SPATS2: variants seen among roughly 807,000 people sequenced by gnomAD.
The protein encoded by SPATS2 is spermatogenesis associated serine rich 2.
In SPATS2, 38 loss-of-function variants were observed where a neutral mutation model predicts 63.7. That is an observed-to-expected ratio of 0.60 (90% confidence interval 0.46 to 0.78). The LOEUF (loss-of-function observed/expected upper bound fraction) is 0.78. Ranked by LOEUF, SPATS2 falls within the 30% of genes least tolerant of loss-of-function variation. The pLI, the probability that SPATS2 is intolerant of heterozygous loss-of-function variation, is 0.00. For missense variants in SPATS2, 588 were observed against 666.2 expected, an observed-to-expected ratio of 0.88 and a Z score of 1.29; for synonymous variants, 207 against 232.9, an observed-to-expected ratio of 0.89 and a Z score of 1.01.
intron 3 of SPATS2, among the ~76,000 whole-genome samples, chr12:49,470,569 C>T (rs188696627): frequency 6.6e-6 from 1 of 152,220 alleles, no homozygotes; most frequent in African/African-American, 2.4e-5. Flanking sequence ...AAAAATATAA[C>T]TTAGGAGCAG....
chr12:49,396,406 G>C (rs940004242), intron 2 of SPATS2, among the ~76,000 whole-genome samples: 1 of 152,062 alleles, frequency 6.6e-6, no homozygotes, highest in East Asian at 1.9e-4. Context: ...TGATTTCCTC[G>C]TGGGAGGTTT....
At chr12:49,503,311 T>C (rs1177704047) in intron 9 of SPATS2, among the ~76,000 whole-genome samples, 27 of 138,942 alleles carry the variant, frequency 1.9e-4, no homozygotes, top group Middle Eastern at 5.3e-3. Context: ...GATCGCGCCA[T>C]TGCACTCCAG....
intron 9 of SPATS2, among the ~76,000 whole-genome samples, chr12:49,508,335 G>C (rs1195987291): frequency 6.6e-6 from 1 of 152,080 alleles, no homozygotes; most frequent in Non-Finnish European, 1.5e-5. Context: ...ACCCTCCCGA[G>C]TAGCTGGGAT....
At chr12:49,491,608 C>T (rs988394211) in intron 6 of SPATS2, among the ~76,000 whole-genome samples, 1 of 152,174 alleles carries the variant, frequency 6.6e-6, no homozygotes, top group African/African-American at 2.4e-5. Context: ...GTAGAAAGCA[C>T]TCAGGCTATG....
At position 49,430,099 on chromosome 12, in the gene SPATS2, G is replaced by GTTTTT. The variant is rs536889902; in HGVS notation, c.-243-30656_-243-30652dup. ...CCCGGCCATCTTTTTCATATTTCTT[G>GTTTTT]TTTTTTTTTTTTTTTTTTTGAGACA... On this transcript the variant is annotated intron_variant, in intron 2 of 13. Transcript: ENST00000552918. Among the ~76,000 whole-genome samples the GTTTTT allele has an allele frequency of 1.7e-3, 171 of 98,428 alleles. 8 individuals carry two copies. The highest frequency in any genetic ancestry group is 8.0e-3 in the South Asian group (24 of 3,000). 64.6% of individuals were successfully genotyped at this position (98,428 alleles called of 152,430 possible).
chr12:49,401,497 C>G (rs1284905709), intron 2 of SPATS2, among the ~76,000 whole-genome samples: 1 of 151,950 alleles, frequency 6.6e-6, no homozygotes, highest in Admixed American at 6.6e-5. Context: ...TTATTTGTAC[C>G]CTCAACCATT....
intron 7 of SPATS2, among the ~76,000 whole-genome samples, chr12:49,495,228 G>C (rs1166277366): frequency 2.0e-5 from 3 of 151,982 alleles, no homozygotes; most frequent in Non-Finnish European, 4.4e-5. Flanking sequence ...GAATCTCGCT[G>C]TGTCGCCCAG....
chr12:49,485,484 C>T (rs993550211), intron 4 of SPATS2, among the ~76,000 whole-genome samples: 1 of 151,948 alleles, frequency 6.6e-6, no homozygotes, highest in Non-Finnish European at 1.5e-5. Context: ...GCCTCAGCCT[C>T]CTGAGTAGCT....
At chr12:49,462,418 C>T in intron 3 of SPATS2, 2 of 702,364 alleles carry the variant, frequency 2.8e-6, no homozygotes, top group Non-Finnish European at 5.2e-6. Flanking sequence ...CCCCGAAGCT[C>T]CAGAGGGCAT....
chr12:49,479,397 C>T (rs1278796331), intron 3 of SPATS2, among the ~76,000 whole-genome samples: 2 of 152,180 alleles, frequency 1.3e-5, no homozygotes, highest in Non-Finnish European at 1.5e-5. Context: ...GAGCAGGTGC[C>T]GACAACAGGG....
At chr12:49,497,228 G>A (rs1481246246) in intron 8 of SPATS2, among the ~76,000 whole-genome samples, 1 of 152,064 alleles carries the variant, frequency 6.6e-6, no homozygotes, top group Admixed American at 6.6e-5. Flanking sequence ...TACTTACGAC[G>A]GCACGTTTTG....
At chr12:49,452,425 A>G (rs10875958) in intron 2 of SPATS2, among the ~76,000 whole-genome samples, 98,687 of 152,104 alleles carry the variant, frequency 0.65, 35,903 homozygotes, top group East Asian at 0.94. Flanking sequence ...GGCTACAGGC[A>G]TGCGCCACCA....
chr12:49,372,561 C>G (rs780978938), intron 2 of SPATS2, among the ~76,000 whole-genome samples: 1 of 152,098 alleles, frequency 6.6e-6, no homozygotes. Flanking sequence ...TATGAATGAT[C>G]GTCTTAAGAA....
At chr12:49,449,807 C>T (rs374079074) in intron 2 of SPATS2, among the ~76,000 whole-genome samples, 1 of 152,162 alleles carries the variant, frequency 6.6e-6, no homozygotes, top group Non-Finnish European at 1.5e-5. Flanking sequence ...GTTATCTCCA[C>T]CTGTCCCCAC....
intron 2 of SPATS2, among the ~76,000 whole-genome samples, chr12:49,400,178 A>G (rs1032892847): frequency 2.6e-5 from 4 of 152,132 alleles, no homozygotes; most frequent in Non-Finnish European, 1.5e-5. Context: ...ATGGTATACT[A>G]GATGTTGCAG....
intron 2 of SPATS2, among the ~76,000 whole-genome samples, chr12:49,437,153 G>A (rs1412113425): frequency 2.6e-5 from 4 of 151,790 alleles, no homozygotes; most frequent in Non-Finnish European, 2.9e-5. Context: ...CTTCTCAGAC[G>A]GGGCGGTTGC....
chr12:49,462,306 T>C (rs1314026542), intron 3 of SPATS2: 1 of 702,362 alleles, frequency 1.4e-6, no homozygotes, highest in Admixed American at 2.0e-5. Context: ...AGGAAGGAAC[T>C]GGAGGGCATG....
At chr12:49,381,269 T>G (rs978803521) in intron 2 of SPATS2, among the ~76,000 whole-genome samples, 2 of 152,222 alleles carry the variant, frequency 1.3e-5, no homozygotes, top group African/African-American at 4.8e-5. Flanking sequence ...CCATTGAATT[T>G]TAATTGCTGT....
rs565133655 is a variant in SPATS2 at position 49,425,615 on chromosome 12, C to T, written c.-243-35155C>T. Among the ~76,000 whole-genome samples the T allele has an allele frequency of 3.9e-5, 6 of 151,968 alleles. 1 individual carries two copies. The highest frequency in any genetic ancestry group is 1.9e-4 in the East Asian group (1 of 5,166). ...GATTACAGGCATGAGCCACCACGTC[C>T]GGCCATGTAAGTGTTAATATTTCTG... On this transcript the variant is annotated intron_variant, in intron 2 of 13. Coordinates refer to ENST00000552918, the MANE Select transcript of SPATS2 (RefSeq NM_023071.4).
Sources: gnomAD v4.1 joint callset for allele counts (sites outside exome capture counted in the v4.1 genomes callset) on GRCh38, gnomAD v4.1.1 for gene constraint, MANE v1.5 for transcripts, NCBI Gene and HGNC (gene_info 2026-07-23, HGNC 2026-07-21) for gene names.